NRCAM: variants seen among roughly 807,000 people sequenced by gnomAD.
The protein encoded by NRCAM is NgCAM-related cell adhesion molecule.
A neutral mutation model predicts 156.5 loss-of-function variants in NRCAM; 83 were observed. That is an observed-to-expected ratio of 0.53 (90% CI 0.44 to 0.64). The LOEUF is 0.64. Among genes scored for constraint, NRCAM ranks in the 30% least tolerant of loss-of-function variants. The pLI is 0.00. For synonymous variants in NRCAM, 538 were observed against 563.9 expected, an observed-to-expected ratio of 0.95 and a Z score of 0.65; for missense variants, 1,417 against 1,597.3, an observed-to-expected ratio of 0.89 and a Z score of 1.92.
intron 3 of NRCAM, among the ~76,000 whole-genome samples, chr7:108,251,468 A>C (rs2096344406): frequency 6.6e-6 from 1 of 152,254 alleles, no homozygotes. Flanking sequence ...TCCTAGACTC[A>C]ACAATGAATT....
intron 1 of NRCAM, among the ~76,000 whole-genome samples, chr7:108,416,799 C>T (rs561498637): frequency 6.6e-6 from 1 of 152,322 alleles, no homozygotes; most frequent in Admixed American, 6.5e-5. Flanking sequence ...CTGTTAATTA[C>T]TATTGCCATT....
Position 108,149,948 on chromosome 7 carries a change from C to T in NRCAM, c.3877G>A (p.Ala1293Thr). 1 of 1,613,552 alleles carries T rather than the reference C, an allele frequency of 6.2e-7. No homozygotes were observed. The highest frequency in any genetic ancestry group is 8.5e-7 in the Non-Finnish European group (1 of 1,179,848). Reference protein sequence around the residue: ...EPAEGNESSEAPSPVNAMNSF... With the variant: ...EPAEGNESSETPSPVNAMNSF... ...TTCATGGCGTTGACAGGAGAAGGTGCCTCTGAGCTTTCGTTTCCTTCAGCC... is the reference window on the plus strand; with the variant it reads ...TTCATGGCGTTGACAGGAGAAGGTGTCTCTGAGCTTTCGTTTCCTTCAGCC... The change falls in exon 33 of 33, where the codon GCA becomes ACA. Residue 1293 changes from alanine to threonine, a missense_variant. Ala to Thr is a moderately conservative substitution (Grantham distance 58). Around this residue, in one of 2 missense-constraint regions of NRCAM, gnomAD observed 179 missense variants for 260.9 expected, o/e 0.69. Coordinates refer to ENST00000379028, the MANE Select transcript of NRCAM (RefSeq NM_001037132.4).
At chr7:108,420,375 T>TA (rs900392665) in intron 1 of NRCAM, among the ~76,000 whole-genome samples, 5 of 152,278 alleles carry the variant, frequency 3.3e-5, no homozygotes, top group African/African-American at 9.6e-5. Context: ...ACTACTTTGC[T>TA]AAAAAAAGTC....
chr7:108,168,046 C>A (rs552578498), intron 29 of NRCAM, among the ~76,000 whole-genome samples: 4 of 152,046 alleles, frequency 2.6e-5, no homozygotes, highest in Non-Finnish European at 5.9e-5. Flanking sequence ...AAATAACATA[C>A]GTAATGGAAC....
chr7:108,377,862 T>C (rs999880930), intron 2 of NRCAM, among the ~76,000 whole-genome samples: 1 of 152,152 alleles, frequency 6.6e-6, no homozygotes, highest in African/African-American at 2.4e-5. Context: ...AAGGGAAATA[T>C]CAGAGGATAA....
chr7:108,356,201 C>T (rs200258964), intron 2 of NRCAM, among the ~76,000 whole-genome samples: 1 of 152,330 alleles, frequency 6.6e-6, no homozygotes, highest in East Asian at 1.9e-4. Context: ...CCTGCCTTGG[C>T]CTCCCAAAGT....
At chr7:108,204,034 G>A (rs769070825) in intron 13 of NRCAM, among the ~76,000 whole-genome samples, 7 of 152,104 alleles carry the variant, frequency 4.6e-5, no homozygotes, top group East Asian at 1.9e-4. Flanking sequence ...TCTCCCAGCC[G>A]TGCTAGATGT....
At chr7:108,455,972 G>C (rs1168210629) in intron 1 of NRCAM, among the ~76,000 whole-genome samples, 2 of 152,330 alleles carry the variant, frequency 1.3e-5, no homozygotes, top group East Asian at 3.9e-4. Context: ...GTGGGTGCCG[G>C]CGCTGCTGGA....
chr7:108,163,265 T>C (rs1225866096), intron 30 of NRCAM, among the ~76,000 whole-genome samples: 1 of 152,052 alleles, frequency 6.6e-6, no homozygotes, highest in Non-Finnish European at 1.5e-5. Flanking sequence ...GAGAATGAGA[T>C]TTGCTTTGTT....
At chr7:108,358,789 C>T (rs1402430762) in intron 2 of NRCAM, among the ~76,000 whole-genome samples, 1 of 152,122 alleles carries the variant, frequency 6.6e-6, no homozygotes, top group Non-Finnish European at 1.5e-5. Flanking sequence ...TATGTGAATG[C>T]GGCAGATGTC....
intron 1 of NRCAM, among the ~76,000 whole-genome samples, chr7:108,407,438 T>C (rs1563668957): frequency 2.0e-5 from 3 of 152,206 alleles, no homozygotes; most frequent in Non-Finnish European, 2.9e-5. Flanking sequence ...GAATCTGATA[T>C]ATGGAGCATT....
intron 1 of NRCAM, among the ~76,000 whole-genome samples, chr7:108,432,547 C>A (rs577868838): frequency 2.9e-4 from 44 of 152,288 alleles, no homozygotes; most frequent in Admixed American, 9.8e-4. Context: ...AGTGTGCACA[C>A]TGAAGAGGAA....
chr7:108,367,801 C>A (rs1324052263), intron 2 of NRCAM, among the ~76,000 whole-genome samples: 1 of 152,090 alleles, frequency 6.6e-6, no homozygotes, highest in East Asian at 1.9e-4. Flanking sequence ...TATAAATAGT[C>A]ATTTCTCCAA....
At chr7:108,430,149 C>T (rs901782292) in intron 1 of NRCAM, among the ~76,000 whole-genome samples, 2 of 152,086 alleles carry the variant, frequency 1.3e-5, no homozygotes, top group Admixed American at 6.5e-5. Flanking sequence ...TAGTATGTTG[C>T]GGGTTTGGTT....
At chr7:108,171,067 A>G (rs1443561734) in intron 28 of NRCAM, among the ~76,000 whole-genome samples, 4 of 152,234 alleles carry the variant, frequency 2.6e-5, no homozygotes, top group African/African-American at 7.2e-5. Flanking sequence ...CACTTTTACC[A>G]TAGGGAATTC....
intron 30 of NRCAM, 54 bp from the exon 31 acceptor site, chr7:108,160,546 T>G: frequency 6.5e-7 from 1 of 1,540,484 alleles, no homozygotes; most frequent in Non-Finnish European, 8.8e-7. Context: ...AGATGGGAAC[T>G]GCTGCAGTCT....
chr7:108,164,721 T>C (rs1309517777), intron 30 of NRCAM, among the ~76,000 whole-genome samples: 1 of 152,200 alleles, frequency 6.6e-6, no homozygotes, highest in Non-Finnish European at 1.5e-5. Flanking sequence ...TGGCAGCATT[T>C]GCTCTTACAG....
intron 13 of NRCAM, among the ~76,000 whole-genome samples, chr7:108,200,915 C>T (rs2077656519): frequency 6.6e-6 from 1 of 151,982 alleles, no homozygotes; most frequent in South Asian, 2.1e-4. Flanking sequence ...TGTTCTCACT[C>T]ATAAGTGGGA....
At chr7:108,248,385 G>A (rs1036359223) in intron 3 of NRCAM, among the ~76,000 whole-genome samples, 5 of 151,974 alleles carry the variant, frequency 3.3e-5, no homozygotes, top group African/African-American at 1.2e-4. Flanking sequence ...GGGTAGGGAC[G>A]CAGTGTACAG....
Sources: allele counts gnomAD v4.1 joint callset (sites outside exome capture counted in the v4.1 genomes callset), GRCh38; gene constraint gnomAD v4.1.1; regional missense constraint gnomAD v4.1.1; transcripts MANE v1.5; gene names NCBI Gene and HGNC (gene_info 2026-07-23, HGNC 2026-07-21).